The following TRMT2B variants were observed in gnomAD, a reference collection of about 807,000 sequenced individuals.
TRMT2B encodes the protein tRNA methyltransferase 2B.
In TRMT2B, 34 loss-of-function variants were observed where a neutral mutation model predicts 39.7. The observed-to-expected ratio is 0.86, with a 90% CI of 0.65 to 1.14. The LOEUF (loss-of-function observed/expected upper bound fraction) is 1.14, where lower values mean the gene tolerates loss of function less well. TRMT2B is among the 50% of genes most tolerant of loss of function. The pLI, the probability that TRMT2B is intolerant of heterozygous loss-of-function variation, is 0.00. For synonymous variants in TRMT2B, 132 were observed against 137.3 expected, an observed-to-expected ratio of 0.96 and a Z score of 0.27; for missense variants, 318 against 377.2, an observed-to-expected ratio of 0.84 and a Z score of 1.30.
intron 9 of TRMT2B, 29 bp downstream of exon 9, chrX:101,021,939 A>G (rs1473416126): frequency 9.1e-7 from 1 of 1,095,396 alleles, no homozygotes; most frequent in Non-Finnish European, 1.3e-6. Context: ...CTGGCAAGCC[A>G]TCAGCCTATT....
chrX:101,026,547 A>G (rs1270595687), intron 7 of TRMT2B, among the ~76,000 whole-genome samples: 1 of 110,392 alleles, frequency 9.1e-6, no homozygotes, highest in African/African-American at 3.3e-5. Flanking sequence ...GACCTAAAAG[A>G]TAATGGGTAA....
At chrX:100,988,861 T>TATCATATATATATATATATATATATG in the TRMT2B span, among the ~76,000 whole-genome samples, 1 of 100,112 alleles carries the variant, frequency 1.0e-5, no homozygotes, top group African/African-American at 3.6e-5. Flanking sequence ...CATATATATA[T>TATCATATATATATATATATATATATG]ATATATATAT....
chrX:101,014,537 CT>C (rs140888493), intron 13 of TRMT2B, among the ~76,000 whole-genome samples: 22,522 of 102,833 alleles, frequency 0.22, 2,098 homozygotes, highest in African/African-American at 0.29. Context: ...CACATACTGA[CT>C]TTTTTTTTTT....
intron 13 of TRMT2B, among the ~76,000 whole-genome samples, chrX:101,014,648 G>A (rs888043483): frequency 5.5e-5 from 6 of 110,091 alleles, no homozygotes; most frequent in Non-Finnish European, 5.7e-5. Flanking sequence ...CAAGCGATCC[G>A]CCTATCTCAG....
Position 101,051,843 on chromosome X carries a change from G to C in TRMT2B, c.-533C>G. The stretch of plus-strand genomic sequence containing the variant: ...TGAGGCGGCAAACTAAAAGGCCAGC[G>C]GATGGCCTGGTTTGCTGCGGCGGGG... On this transcript the variant is annotated 5_prime_UTR_variant, in exon 1 of 14. Transcript: ENST00000372936. 1 of 332,453 alleles carries C rather than the reference G, an allele frequency of 3.0e-6. No homozygotes were observed. The highest frequency in any genetic ancestry group is 3.9e-6 in the Non-Finnish European group (1 of 253,518). The allele number at this position is 332,453 out of a possible 1,213,427, so 27.4% of individuals were successfully genotyped here.
In TRMT2B at chrX:101,023,586, A is replaced by G. The variant is rs749690560; in HGVS notation, c.640T>C (p.Leu214=). The change falls in exon 8 of 14, where the codon TTG becomes CTG. Residue 214 remains leucine (L), a synonymous_variant. Transcript: ENST00000372936. ...TCATGAAATACAAGGCAGGGCTCCA[A>G]TGGAGACTGTCGAAGGAATACTTCA... is the stretch of plus-strand genomic sequence containing the variant. The part of the protein sequence containing the change: ...YYEVFLRQSP[L]EPCLVFHEGG... The G allele has an allele frequency of 1.7e-5, 20 of 1,209,706 alleles. No individual in the cohort carries two copies. The Admixed American group carries it at 3.9e-4, about 24-fold the overall frequency.
At chrX:100,984,879 A>G in the TRMT2B span, among the ~76,000 whole-genome samples, 1 of 112,231 alleles carries the variant, frequency 8.9e-6, no homozygotes, top group Non-Finnish European at 1.9e-5. Context: ...TTAATCCAAT[A>G]ATGAATGTGC....
intron 7 of TRMT2B, among the ~76,000 whole-genome samples, chrX:101,025,956 A>G (rs777613291): frequency 9.3e-6 from 1 of 107,190 alleles, no homozygotes; most frequent in Non-Finnish European, 1.9e-5. Context: ...TCAAAAGAGA[A>G]AGAAAAGAAA....
the TRMT2B span, among the ~76,000 whole-genome samples, chrX:100,984,258 C>T: frequency 9.1e-6 from 1 of 109,853 alleles, no homozygotes; most frequent in African/African-American, 3.3e-5. Context: ...GGATTACAGG[C>T]GTGTGCCACC....
the TRMT2B span, among the ~76,000 whole-genome samples, chrX:100,981,712 G>A: frequency 2.1e-3 from 229 of 108,693 alleles, no homozygotes; most frequent in African/African-American, 7.5e-3. Context: ...AGGAGGCTAA[G>A]GTGGGAGGAT....
chrX:100,984,602 A>G, the TRMT2B span, among the ~76,000 whole-genome samples: 2 of 112,653 alleles, frequency 1.8e-5, no homozygotes, highest in Admixed American at 9.4e-5. Context: ...CCTCATCTAC[A>G]GTAACAACCA....
chrX:100,977,619 G>C, the TRMT2B span, among the ~76,000 whole-genome samples: 1 of 110,992 alleles, frequency 9.0e-6, no homozygotes, highest in African/African-American at 3.3e-5. Context: ...GACATCAGGT[G>C]ATCTGCCTGC....
the TRMT2B span, chrX:100,985,783 C>G: frequency 8.3e-7 from 1 of 1,211,535 alleles, no homozygotes; most frequent in Non-Finnish European, 1.1e-6. Flanking sequence ...GGAAGCATGG[C>G]CAAACTACTA....
At position 101,019,397 on chromosome X, in the gene TRMT2B, G is replaced by T. The variant is rs750928011; in HGVS notation, c.1175C>A (p.Thr392Asn). The change falls in exon 12 of 14, where the codon ACC becomes AAC. Residue 392 changes from threonine to asparagine, a missense_variant. Coordinates refer to ENST00000372936, the MANE Select transcript of TRMT2B (RefSeq NM_024917.6). ...ARWTAAFNGITNSEFHTGQAE... is the reference protein window; with the variant it reads ...ARWTAAFNGINNSEFHTGQAE... ...TTGACCAGTATGAAATTCAGAGTTG[G>T]TGATGCCTATGGAAGACAGGCCCAC... 2.5e-6 allele frequency: 3 copies of T among 1,208,621 alleles called. No individual in the cohort carries two copies. In the African/African-American group the frequency reaches 5.3e-5, roughly 21 times the overall value.
chrX:101,044,727 C>A (rs2088500556), intron 2 of TRMT2B, among the ~76,000 whole-genome samples: 1 of 108,519 alleles, frequency 9.2e-6, no homozygotes, highest in African/African-American at 3.4e-5. Flanking sequence ...GTAGTCCCAG[C>A]TACTCGGTAG....
At chrX:101,030,480 T>C (rs1397420217) in intron 7 of TRMT2B, among the ~76,000 whole-genome samples, 1 of 103,335 alleles carries the variant, frequency 9.7e-6, no homozygotes, top group East Asian at 3.0e-4. Context: ...AGATGGAGTC[T>C]CGCTCTTTTA....
intron 13 of TRMT2B, among the ~76,000 whole-genome samples, chrX:101,017,136 C>A (rs1259671226): frequency 9.1e-6 from 1 of 110,219 alleles, no homozygotes; most frequent in East Asian, 2.9e-4. Flanking sequence ...CACACCACTG[C>A]ACTCCAGCTT....
At chrX:101,024,350 C>T (rs1313891980) in intron 7 of TRMT2B, among the ~76,000 whole-genome samples, 1 of 111,855 alleles carries the variant, frequency 8.9e-6, no homozygotes, top group Non-Finnish European at 1.9e-5. Flanking sequence ...TTAAGCCACT[C>T]AGTCTGCCGT....
At chrX:101,028,034 C>T (rs776338716) in intron 7 of TRMT2B, among the ~76,000 whole-genome samples, 73 of 109,723 alleles carry the variant, frequency 6.7e-4, no homozygotes, top group African/African-American at 1.9e-3. Flanking sequence ...GGATACCAAC[C>T]CCCACCAGCC....
Sources: allele counts gnomAD v4.1 joint callset (sites outside exome capture counted in the v4.1 genomes callset), GRCh38; gene constraint gnomAD v4.1.1; transcripts MANE v1.5; gene names NCBI Gene and HGNC (gene_info 2026-07-23, HGNC 2026-07-21).